ARG1: variants seen among roughly 807,000 people sequenced by gnomAD.
ARG1 encodes arginase-1.
Under a neutral mutation model 33.0 loss-of-function variants are expected in ARG1, and 20 were observed. That is an observed-to-expected ratio of 0.61 (90% CI 0.43 to 0.88). The LOEUF (loss-of-function observed/expected upper bound fraction) is 0.88. ARG1 is among the 40% of genes least tolerant of loss of function. ARG1 has a pLI of 0.00. For synonymous variants in ARG1, 146 were observed against 140.6 expected (o/e 1.04, Z -0.27); for missense variants, 374 against 384.7 (o/e 0.97, Z 0.23).
At chr6:131,582,564 A>C (rs944079875) in intron 4 of ARG1, 57 bp from the exon 5 acceptor site, 4 of 1,331,598 alleles carry the variant, frequency 3.0e-6, no homozygotes, top group African/African-American at 1.4e-5. Context: ...TTACCTTTGA[A>C]TGTAGGATTT....
intron 3 of ARG1, among the ~76,000 whole-genome samples, chr6:131,580,455 G>A (rs1038169542): frequency 6.6e-6 from 1 of 152,208 alleles, no homozygotes; most frequent in Non-Finnish European, 1.5e-5. Context: ...TCACAAATGG[G>A]AGAATACAGG....
At chr6:131,579,615 T>G (rs1437018254) in intron 3 of ARG1, 1 of 228,354 alleles carries the variant, frequency 4.4e-6, no homozygotes, top group Non-Finnish European at 8.8e-6. Flanking sequence ...TTGCCGATAA[T>G]ATATACAACT....
At position 131,580,689 on chromosome 6, in the gene ARG1, G is replaced by A. The variant is rs550343822; in HGVS notation, c.306-530G>A. Among the ~76,000 whole-genome samples the A allele has an allele frequency of 1.9e-4, 29 of 152,252 alleles. 1 individual carries two copies. The East Asian group carries it at 3.5e-3, about 18-fold the overall frequency. ...CATTGAATAGAATGAGTGAACACACGCCATACGCTGGCTGAAGAACTTGAG... is the reference window on the plus strand; with the variant it reads ...CATTGAATAGAATGAGTGAACACACACCATACGCTGGCTGAAGAACTTGAG... On this transcript the variant is annotated intron_variant, in intron 3 of 7. Coordinates refer to ENST00000368087, the MANE Select transcript of ARG1 (RefSeq NM_000045.4).
chr6:131,582,479 T>C lies in ARG1; in HGVS notation c.466-142T>C, dbSNP rs113295138. The C allele has an allele frequency of 1.9e-4, 136 of 704,134 alleles. 2 individuals carry two copies. In the African/African-American group the frequency reaches 2.1e-3, roughly 11 times the overall value. 43.6% of individuals were successfully genotyped at this position (704,134 alleles called of 1,614,324 possible). On this transcript the variant is annotated intron_variant, in intron 4 of 7. Transcript: ENST00000368087. ...GGGGAGGCACACATCCTCTTCTTAA[T>C]TGTGTATTATTTTTACATGATTTCT...
At chr6:131,577,908 A>G (rs539633320) in intron 2 of ARG1, among the ~76,000 whole-genome samples, 135 of 151,602 alleles carry the variant, frequency 8.9e-4, no homozygotes, top group African/African-American at 3.0e-3. Flanking sequence ...CATCTCCAAA[A>G]AAAAAAAAAA....
In ARG1 at chr6:131,573,305, T is replaced by A. The variant is rs149310631; in HGVS notation, c.23T>A (p.Ile8Lys). 3 of 1,613,800 alleles carry A rather than the reference T, an allele frequency of 1.9e-6. No homozygotes were observed. The African/African-American group carries it at 4.0e-5, about 22-fold the overall frequency. MSAKSRTIGIIGAPFSKG... is the reference protein window; with the variant it reads MSAKSRTKGIIGAPFSKG... ...AGCATGAGCGCCAAGTCCAGAACCA[T>A]AGGGATTATTGGAGCTCCTTTCTCA... The change falls in exon 1 of 8, where the codon ATA (isoleucine) becomes AAA (lysine). Residue 8 changes from isoleucine (I) to lysine (K), a missense_variant. Physicochemically the swap from Ile to Lys is moderately radical, Grantham distance 102 (BLOSUM62 -3). Coordinates refer to ENST00000368087, the MANE Select transcript of ARG1 (RefSeq NM_000045.4).
intron 4 of ARG1, 137 bp downstream of exon 4, chr6:131,581,515 A>C: frequency 9.3e-7 from 1 of 1,076,942 alleles, no homozygotes. Flanking sequence ...CCAATAAGCA[A>C]AGGGTTGGTT....
intron 5 of ARG1, 93 bp from the exon 6 acceptor site, chr6:131,582,967 A>G: frequency 2.1e-6 from 2 of 931,512 alleles, no homozygotes; most frequent in Non-Finnish European, 3.3e-6. Flanking sequence ...TAAATGTTTT[A>G]TATATTTTAC....
At position 131,582,675 on chromosome 6, in the gene ARG1, A is replaced by G. The variant is rs777462361; in HGVS notation, c.520A>G (p.Ile174Val). 3.1e-6 allele frequency: 5 copies of G among 1,613,698 alleles called. No individual in the cohort carries two copies. The East Asian group carries it at 1.1e-4, about 36-fold the overall frequency. Reference sequence around the variant, plus strand: ...GACTCCCTGTATATCTGCCAAGGATATTGTGTATATTGGCTTGAGAGACGT... The same window carrying G: ...GACTCCCTGTATATCTGCCAAGGATGTTGTGTATATTGGCTTGAGAGACGT... ...WVTPCISAKD[I>V]VYIGLRDVDP... is the part of the protein sequence containing the mutation. Residue 174 changes from isoleucine (I) to valine (V), a missense_variant, in exon 5 of 8, where the codon ATT (isoleucine) becomes GTT (valine). Physicochemically the swap from Ile to Val is conservative, Grantham distance 29. Transcript: ENST00000368087.
At chr6:131,581,832 G>T (rs2114542022) in intron 4 of ARG1, among the ~76,000 whole-genome samples, 1 of 152,280 alleles carries the variant, frequency 6.6e-6, no homozygotes, top group South Asian at 2.1e-4. Context: ...TAAAATTTCA[G>T]ATATAATGGT....
intron 3 of ARG1, among the ~76,000 whole-genome samples, chr6:131,580,005 A>G (rs1002736485): frequency 3.3e-5 from 5 of 152,184 alleles, no homozygotes; most frequent in Admixed American, 6.5e-5. Flanking sequence ...TTACATCGCT[A>G]TATACGTACA....
chr6:131,574,470 G>T (rs751425431), intron 1 of ARG1, among the ~76,000 whole-genome samples: 2 of 152,092 alleles, frequency 1.3e-5, no homozygotes, highest in Non-Finnish European at 2.9e-5. Flanking sequence ...ACCCACTCTT[G>T]AACAGGTTAT....
intron 1 of ARG1, among the ~76,000 whole-genome samples, chr6:131,575,504 G>A (rs917505663): frequency 2.6e-5 from 4 of 152,096 alleles, no homozygotes; most frequent in Non-Finnish European, 5.9e-5. Context: ...AGGATAGGGC[G>A]GGTCCCTTGC....
intron 1 of ARG1, chr6:131,574,305 A>T: frequency 1.2e-6 from 2 of 1,613,954 alleles, no homozygotes; most frequent in South Asian, 1.1e-5. Flanking sequence ...ACTGCAAAAC[A>T]AATTGAGAGA....
At chr6:131,583,280 C>G (rs991273301) in intron 6 of ARG1, 75 bp from the exon 7 acceptor site, 12 of 1,608,040 alleles carry the variant, frequency 7.5e-6, no homozygotes, top group Admixed American at 1.7e-5. Context: ...TTTTATAAAA[C>G]AAGTTAACAG....
intron 2 of ARG1, among the ~76,000 whole-genome samples, chr6:131,578,718 A>G (rs1486372823): frequency 6.6e-6 from 1 of 152,160 alleles, no homozygotes; most frequent in Non-Finnish European, 1.5e-5. Context: ...TATGTATTTA[A>G]TTATTATCAA....
intron 1 of ARG1, chr6:131,574,019 C>A (rs1233657501): frequency 2.0e-6 from 1 of 494,224 alleles, no homozygotes; most frequent in African/African-American, 1.9e-5. Flanking sequence ...GATTTCCTTA[C>A]AGCCACGAGC....
At chr6:131,579,394 T>A (rs1463307032) in intron 3 of ARG1, 109 bp downstream of exon 3, 2 of 1,296,232 alleles carry the variant, frequency 1.5e-6, no homozygotes, top group East Asian at 5.1e-5. Flanking sequence ...GACCTATATT[T>A]TATATCAAAT....
Position 131,573,291 on chromosome 6 carries a change from C to G in ARG1, c.9C>G (p.Ala3=). MS[A]KSRTIGIIGA... is the part of the protein sequence containing the mutation. ...AAGAGAAGTGTCAGAGCATGAGCGC[C>G]AAGTCCAGAACCATAGGGATTATTG... The change falls in exon 1 of 8, where the codon GCC becomes GCG. Residue 3 remains alanine, a synonymous_variant. Coordinates refer to ENST00000368087, the MANE Select transcript of ARG1 (RefSeq NM_000045.4). 1 of 1,613,968 alleles carries G rather than the reference C, an allele frequency of 6.2e-7. No homozygotes were observed. Among genetic ancestry groups the G allele is most frequent in the Non-Finnish European group, 8.5e-7 (1 of 1,179,954 alleles).
Sources: allele counts gnomAD v4.1 joint callset (sites outside exome capture counted in the v4.1 genomes callset), GRCh38; gene constraint gnomAD v4.1.1; transcripts MANE v1.5; gene names NCBI Gene and HGNC (gene_info 2026-07-23, HGNC 2026-07-21).